Variants in CYFIP1 observed in about 807,000 individuals in gnomAD.
The protein encoded by CYFIP1 is cytoplasmic FMR1-interacting protein 1.
A neutral mutation model predicts 163.5 loss-of-function variants in CYFIP1; 58 were observed. That is an observed-to-expected ratio of 0.35 (90% CI 0.29 to 0.44). The LOEUF (loss-of-function observed/expected upper bound fraction) is 0.44. Among genes scored for constraint, CYFIP1 ranks in the 20% least tolerant of loss-of-function variants. CYFIP1 has a pLI of 1.00. For missense variants in CYFIP1, 1,338 were observed against 1,653.8 expected, an observed-to-expected ratio of 0.81 and a Z score of 3.31; for synonymous variants, 663 against 660.7, an observed-to-expected ratio of 1.00 and a Z score of -0.05.
intron 21 of CYFIP1, 53 bp from the exon 22 acceptor site, chr15:22,903,958 G>A: frequency 6.5e-7 from 1 of 1,542,890 alleles, no homozygotes; most frequent in Non-Finnish European, 8.9e-7. Context: ...GCAGGAAGGA[G>A]GCGCCGAGTG....
chr15:22,889,613 C>A (rs1424559998), intron 23 of CYFIP1, among the ~76,000 whole-genome samples: 1 of 152,196 alleles, frequency 6.6e-6, no homozygotes, highest in Non-Finnish European at 1.5e-5. Context: ...CGGCCCCACG[C>A]AGTCGGGTCG....
intron 8 of CYFIP1, 129 bp downstream of exon 8, chr15:22,939,063 C>T (rs547678821): frequency 1.8e-5 from 20 of 1,137,516 alleles, no homozygotes; most frequent in Middle Eastern, 3.0e-4. Context: ...AAGGGCAGGA[C>T]GCTGTTCACA....
At chr15:22,905,856 T>C (rs902199965) in intron 21 of CYFIP1, among the ~76,000 whole-genome samples, 1 of 151,404 alleles carries the variant, frequency 6.6e-6, no homozygotes, top group African/African-American at 2.4e-5. Context: ...GTCTCCCGGG[T>C]TCCTGCCATT....
At chr15:22,937,702 G>A (rs141956143) in intron 8 of CYFIP1, among the ~76,000 whole-genome samples, 37,104 of 150,852 alleles carry the variant, frequency 0.25, 5,131 homozygotes, top group African/African-American at 0.37. Context: ...AGGTTCAAGC[G>A]ATTCTCCTGC....
At chr15:22,944,983 A>G (rs759890999) in intron 3 of CYFIP1, 44 bp from the exon 4 acceptor site, 4 of 1,545,436 alleles carry the variant, frequency 2.6e-6, no homozygotes, top group South Asian at 2.2e-5. Context: ...CGGGGGAACT[A>G]GCATGAAAAG....
intron 1 of CYFIP1, among the ~76,000 whole-genome samples, chr15:22,956,498 A>ATG: frequency 6.6e-6 from 1 of 152,146 alleles, no homozygotes. Context: ...GTGAGTGTGT[A>ATG]TGTGTGTGAG....
chr15:22,931,712 C>CAAAAAAAAAAATT (rs2061544613), intron 11 of CYFIP1, among the ~76,000 whole-genome samples: 1 of 49,904 alleles, frequency 2.0e-5, no homozygotes, highest in African/African-American at 1.1e-4. Context: ...AAAAAAAAAG[C>CAAAAAAAAAAATT]TTTTTGTACA....
chr15:22,876,913 C>A (rs2059602251), intron 26 of CYFIP1, among the ~76,000 whole-genome samples: 2 of 152,074 alleles, frequency 1.3e-5, no homozygotes, highest in South Asian at 4.1e-4. Context: ...AGAAGAGAAA[C>A]CAGCCCTAAG....
At chr15:22,939,542 C>A (rs1346555525) in intron 6 of CYFIP1, 35 bp from the exon 7 acceptor site, 2 of 996,930 alleles carry the variant, frequency 2.0e-6, no homozygotes, top group Non-Finnish European at 3.0e-6. Flanking sequence ...CCAAAATGCA[C>A]CAACGTGCCA....
Position 22,917,851 on chromosome 15 carries a change from C to T in CYFIP1, c.1611G>A (p.Lys537=). The T allele has an allele frequency of 6.2e-7, 1 of 1,613,904 alleles. No homozygotes were observed. The highest frequency in any genetic ancestry group is 1.1e-5 in the South Asian group (1 of 91,072). ...TTATGTCGAAGCCGCTCTTGGGGTC[C>T]TTCTCGCCCCGCAAGGCTGGGTCAT... The part of the protein sequence containing the change: ...PFNDPALRGE[K]DPKSGFDIKV... Residue 537 remains lysine, a synonymous_variant, in exon 15 of 31, where the codon AAG becomes AAA. Coordinates refer to ENST00000617928, the MANE Select transcript of CYFIP1 (RefSeq NM_014608.6). This position sits in a 1 kb window ranked among gnomAD's most constrained non-coding sequence, Gnocchi z 4.2.
rs532087324 is a variant in CYFIP1, at chr15:22,868,410, T to C, written c.*1618A>G. 3 of 152,354 alleles carry C rather than the reference T, an allele frequency of 2.0e-5. No homozygotes were observed. Among genetic ancestry groups the C allele is most frequent in the East Asian group, 3.8e-4 (2 of 5,196 alleles). The allele number at this position is 152,354 out of a possible 1,614,324, so 9.4% of individuals were successfully genotyped here. A position where few individuals can be genotyped will look rare whatever the true frequency, so the allele number is the denominator to read the frequency against. ...TTTTGTAGCACTTGAGATTGTCTTA[T>C]ACCTAAGGTATTACATATTTGGTAT... On this transcript the variant is annotated 3_prime_UTR_variant, in exon 31 of 31. Transcript: ENST00000617928.
chr15:22,902,432 G>A (rs1430287383), intron 22 of CYFIP1, among the ~76,000 whole-genome samples: 1 of 152,204 alleles, frequency 6.6e-6, no homozygotes, highest in Non-Finnish European at 1.5e-5. Context: ...TCACTTTAGA[G>A]GACAAATACA....
At chr15:22,957,790 G>A (rs1433020119) in intron 1 of CYFIP1, among the ~76,000 whole-genome samples, 1 of 152,196 alleles carries the variant, frequency 6.6e-6, no homozygotes, top group Non-Finnish European at 1.5e-5. Flanking sequence ...GCACTTCCCA[G>A]AAAAGTAGAA....
chr15:22,948,608 G>GA (rs2062138244), intron 1 of CYFIP1, among the ~76,000 whole-genome samples: 1 of 152,146 alleles, frequency 6.6e-6, no homozygotes, highest in Non-Finnish European at 1.5e-5. Flanking sequence ...CAGGAAAAGA[G>GA]AATCAACAGA....
rs57204764 is a variant in CYFIP1, at chr15:22,868,677, C to CACTTACTTACTT, written c.*1350_*1351insAAGTAAGTAAGT. The CACTTACTTACTT allele has an allele frequency of 6.6e-6, 1 of 151,978 alleles. No homozygotes were observed. Among genetic ancestry groups the CACTTACTTACTT allele is most frequent in the African/African-American group, 2.4e-5 (1 of 41,290 alleles). The allele number at this position is 151,978 out of a possible 1,614,324, so 9.4% of individuals were successfully genotyped here. A position where few individuals can be genotyped will look rare whatever the true frequency, so the allele number is the denominator to read the frequency against. On this transcript the variant is annotated 3_prime_UTR_variant, in exon 31 of 31. Transcript: ENST00000617928. ...TGGCAGTGTAACAGGATGGTTCGTA[C>CACTTACTTACTT]ACTTACTACTTTTCTGTGCCGTGCA...
At chr15:22,895,707 G>A (rs2060216920) in intron 22 of CYFIP1, among the ~76,000 whole-genome samples, 3 of 152,170 alleles carry the variant, frequency 2.0e-5, no homozygotes, top group African/African-American at 7.2e-5. Flanking sequence ...TGTGCCTGGT[G>A]AACTCAGCTG....
chr15:22,882,850 T>C lies in CYFIP1; in HGVS notation c.2820+18A>G, dbSNP rs1045806466. 4 of 1,603,978 alleles carry C rather than the reference T, an allele frequency of 2.5e-6. No individual in the cohort carries two copies. In the African/African-American group the frequency reaches 4.0e-5, roughly 16 times the overall value. ...GAATCCAGGCTGTGTGAAAGAAGCATGTCCAGGGAACACTCACCAGGCTCT... is the reference window on the plus strand; with the variant it reads ...GAATCCAGGCTGTGTGAAAGAAGCACGTCCAGGGAACACTCACCAGGCTCT... On this transcript the variant is annotated intron_variant, in intron 24 of 30. Coordinates refer to ENST00000617928, the MANE Select transcript of CYFIP1 (RefSeq NM_014608.6).
rs529189413 is a variant in CYFIP1 at position 22,931,462 on chromosome 15, C to A, written c.1110+761G>T. The stretch of plus-strand genomic sequence containing the variant: ...CCAATGCCCCTGGGACGTCTTCTGA[C>A]AGCCACCCAGAGGCTCCTGCTCACC... On this transcript the variant is annotated intron_variant, in intron 11 of 30. Coordinates refer to ENST00000617928, the MANE Select transcript of CYFIP1 (RefSeq NM_014608.6). Among the ~76,000 whole-genome samples the A allele has an allele frequency of 6.4e-4, 98 of 152,214 alleles. 1 individual carries two copies. Among genetic ancestry groups the A allele is most frequent in the African/African-American group, 2.2e-3 (90 of 41,536 alleles).
intron 13 of CYFIP1, among the ~76,000 whole-genome samples, chr15:22,921,507 A>G (rs1271941803): frequency 1.3e-5 from 2 of 152,008 alleles, no homozygotes; most frequent in African/African-American, 4.8e-5. Flanking sequence ...TAGCAAGAAT[A>G]ACAAAGAAAA....
Sources: allele counts gnomAD v4.1 joint callset (sites outside exome capture counted in the v4.1 genomes callset), GRCh38; gene constraint gnomAD v4.1.1; non-coding constraint Gnocchi (gnomAD v3.1); transcripts MANE v1.5; gene names NCBI Gene and HGNC (gene_info 2026-07-23, HGNC 2026-07-21).